The following TET3 variants were observed in gnomAD, a reference collection of about 807,000 sequenced individuals.
TET3 encodes the protein tet methylcytosine dioxygenase 3, also known as methylcytosine dioxygenase TET3.
Under a neutral mutation model 141.4 loss-of-function variants are expected in TET3, and 19 were observed. That is an observed-to-expected ratio of 0.13 (90% CI 0.09 to 0.20). TET3 has a LOEUF of 0.20. Ranked by LOEUF, TET3 falls within the 10% of genes least tolerant of loss-of-function variation. The probability of loss-of-function intolerance (pLI) is 1.00; values close to 1 mark genes in which losing one functional copy is unlikely to be tolerated. For missense variants in TET3, 1,874 were observed against 2,356.9 expected (o/e 0.80, Z 4.24); for synonymous variants, 1,043 against 980.9 (o/e 1.06, Z -1.18).
chr2:74,071,515 A>C (rs181798368), intron 4 of TET3, among the ~76,000 whole-genome samples: 1 of 152,192 alleles, frequency 6.6e-6, no homozygotes, highest in Non-Finnish European at 1.5e-5. Context: ...AAGTTAGTGC[A>C]GCGAATTCCT....
the TET3 span, among the ~76,000 whole-genome samples, chr2:74,114,889 T>A: frequency 8.5e-3 from 921 of 108,472 alleles, 10 homozygotes; most frequent in African/African-American, 0.033. Context: ...CTGGGAAAAC[T>A]GGTTATCTAT....
intron 4 of TET3, among the ~76,000 whole-genome samples, chr2:74,063,892 A>AC (rs1439749018): frequency 4.6e-5 from 6 of 130,956 alleles, no homozygotes; most frequent in African/African-American, 2.0e-4. Flanking sequence ...ATCTCTGCAG[A>AC]CAAAAAAAAA....
At chr2:73,984,102 G>A (rs188260520), upstream of TET3, among the ~76,000 whole-genome samples, 2 of 152,366 alleles carry the variant, frequency 1.3e-5, no homozygotes, top group East Asian at 3.9e-4. The surrounding 1 kb of genome is among the most constrained non-coding windows in gnomAD (Gnocchi z 5.6). Context: ...GGGTTTTAGG[G>A]CTTAGTCGCC....
intron 5 of TET3, among the ~76,000 whole-genome samples, chr2:74,075,128 C>A (rs1689429058): frequency 6.6e-6 from 1 of 151,976 alleles, no homozygotes; most frequent in African/African-American, 2.4e-5. Context: ...CCTCGGCCTC[C>A]CAAAGTGCTG....
At chr2:74,132,540 A>G in the TET3 span, among the ~76,000 whole-genome samples, 1 of 152,138 alleles carries the variant, frequency 6.6e-6, no homozygotes, top group Non-Finnish European at 1.5e-5. Flanking sequence ...GGTGCATGTC[A>G]CCACAACTGG....
At chr2:74,026,605 G>T (rs1481411648) in intron 3 of TET3, among the ~76,000 whole-genome samples, 1 of 152,112 alleles carries the variant, frequency 6.6e-6, no homozygotes, top group Non-Finnish European at 1.5e-5. Context: ...TTAAAAACAT[G>T]ATTTGTTTTT....
chr2:74,007,804 T>G (rs1685220052), intron 3 of TET3, among the ~76,000 whole-genome samples: 1 of 152,224 alleles, frequency 6.6e-6, no homozygotes, highest in African/African-American at 2.4e-5. Context: ...ACCAGTTTTT[T>G]TGTTTGTTTG....
the TET3 span, chr2:74,134,912 G>C: frequency 0.028 from 10,296 of 373,808 alleles, 299 homozygotes; most frequent in African/African-American, 0.1. Flanking sequence ...TCCTCGGTGT[G>C]ACTTGCTCCC....
At chr2:74,131,506 G>A in the TET3 span, among the ~76,000 whole-genome samples, 1 of 152,068 alleles carries the variant, frequency 6.6e-6, no homozygotes, top group Non-Finnish European at 1.5e-5. Flanking sequence ...TCCTCTCTCA[G>A]GTTACTGGCC....
chr2:73,994,638 C>CTTTCTTTCTTTCT (rs1553412093), intron 2 of TET3, among the ~76,000 whole-genome samples: 1 of 96,750 alleles, frequency 1.0e-5, no homozygotes, highest in African/African-American at 6.0e-5. Context: ...TTCTTTCTTT[C>CTTTCTTTCTTTCT]TTTTTTTTTT....
At chr2:74,061,572 G>T (rs1311661788) in intron 4 of TET3, among the ~76,000 whole-genome samples, 1 of 146,574 alleles carries the variant, frequency 6.8e-6, no homozygotes, top group Non-Finnish European at 1.5e-5. Context: ...CCTCCCGGAC[G>T]GGGCGGCTGG....
At chr2:74,092,811 C>A (rs779503661) in intron 8 of TET3, 91 bp from the exon 9 acceptor site, 16 of 1,128,928 alleles carry the variant, frequency 1.4e-5, no homozygotes, top group East Asian at 5.1e-5. Context: ...CAGCCTCCCC[C>A]ACGATGCTTC....
intron 2 of TET3, chr2:73,998,434 G>C (rs1011719201): frequency 6.6e-6 from 1 of 152,642 alleles, no homozygotes; most frequent in African/African-American, 2.4e-5. Context: ...TAGGAAGCAC[G>C]AAGATGGAGT....
chr2:74,043,716 A>G (rs1312297865), intron 3 of TET3, among the ~76,000 whole-genome samples: 1 of 152,196 alleles, frequency 6.6e-6, no homozygotes, highest in African/African-American at 2.4e-5. Context: ...GAATGGGGGC[A>G]AGGGTGAGGA....
chr2:74,000,686 CAGAACTT>C (rs1221466853), intron 2 of TET3, among the ~76,000 whole-genome samples: 3 of 152,080 alleles, frequency 2.0e-5, no homozygotes, highest in Non-Finnish European at 4.4e-5. Flanking sequence ...CAGAGACAGA[CAGAACTT>C]AGAGAATTGG....
Position 74,047,030 on chromosome 2 carries a change from G to A in TET3, c.1113G>A (p.Pro371=), listed in dbSNP as rs146447469. 4.4e-4 allele frequency: 716 copies of A among 1,613,868 alleles called. 1 individual carries two copies. The highest frequency in any genetic ancestry group is 8.3e-4 in the Middle Eastern group (5 of 6,058). The change falls in exon 4 of 12, where the codon CCG becomes CCA. Residue 371 remains proline (P), a synonymous_variant. Transcript: ENST00000409262. ...TCACACAGCTCTCCTCTGCCCTCCC[G>A]CAGCCTTCTCATTCCACCCCCCAGG... The part of the protein sequence containing the change: ...EALTQLSSAL[P]QPSHSTPQAS...
chr2:74,035,675 C>T (rs919882681), intron 3 of TET3, among the ~76,000 whole-genome samples: 22 of 151,846 alleles, frequency 1.4e-4, no homozygotes, highest in Admixed American at 1.2e-3. Context: ...TGCATTGAGC[C>T]GAGATCGTGC....
chr2:74,113,804 G>T, the TET3 span, among the ~76,000 whole-genome samples: 2 of 137,320 alleles, frequency 1.5e-5, no homozygotes, highest in African/African-American at 5.3e-5. Flanking sequence ...TATTGAAGAG[G>T]ATACAAACAA....
the TET3 span, among the ~76,000 whole-genome samples, chr2:74,114,237 A>G: frequency 6.6e-6 from 1 of 152,172 alleles, no homozygotes; most frequent in South Asian, 2.1e-4. Flanking sequence ...GTGCTGGCTT[A>G]TAAGTGGGAG....
Sources: gnomAD v4.1 joint callset for allele counts (sites outside exome capture counted in the v4.1 genomes callset) on GRCh38, gnomAD v4.1.1 for gene constraint, Gnocchi (gnomAD v3.1) non-coding constraint, MANE v1.5 for transcripts, NCBI Gene and HGNC (gene_info 2026-07-23, HGNC 2026-07-21) for gene names.